SEMA6D: variants seen among roughly 807,000 people sequenced by gnomAD.
SEMA6D encodes the protein semaphorin-6D.
A neutral mutation model predicts 106.6 loss-of-function variants in SEMA6D; 35 were observed. That is an observed-to-expected ratio of 0.33 (90% CI 0.25 to 0.44). The LOEUF (loss-of-function observed/expected upper bound fraction) is 0.44. SEMA6D is among the 20% of genes least tolerant of loss of function. The pLI is 1.00. For missense variants in SEMA6D, 1,185 were observed against 1,345.9 expected (o/e 0.88, Z 1.87); for synonymous variants, 499 against 487.7 (o/e 1.02, Z -0.31).
intron 3 of SEMA6D, among the ~76,000 whole-genome samples, chr15:47,590,489 C>G (rs1462267443): frequency 6.6e-6 from 1 of 151,860 alleles, no homozygotes; most frequent in Non-Finnish European, 1.5e-5. Context: ...TGTGTCAAAC[C>G]TGCACTTTGT....
intron 4 of SEMA6D, among the ~76,000 whole-genome samples, chr15:47,684,647 G>A (rs1021445857): frequency 5.9e-5 from 9 of 152,218 alleles, no homozygotes; most frequent in South Asian, 2.1e-4. Flanking sequence ...AATGAACATA[G>A]GTTACTCTAA....
chr15:47,629,771 G>T (rs975396745), intron 4 of SEMA6D, among the ~76,000 whole-genome samples: 3 of 151,698 alleles, frequency 2.0e-5, no homozygotes, highest in Non-Finnish European at 4.4e-5. Flanking sequence ...CAAGTTTTTG[G>T]CTCCCATTTA....
chr15:47,745,284 T>A (rs1012561639), intron 1 of SEMA6D, among the ~76,000 whole-genome samples: 3 of 152,222 alleles, frequency 2.0e-5, no homozygotes, highest in Admixed American at 2.0e-4. Context: ...ACTCCTTCCG[T>A]CCTCAGCAAC....
intron 2 of SEMA6D, among the ~76,000 whole-genome samples, chr15:47,452,531 T>G (rs1338760060): frequency 6.6e-6 from 1 of 151,998 alleles, no homozygotes; most frequent in Non-Finnish European, 1.5e-5. Context: ...TTTTGTAGTG[T>G]GTACATAGCA....
intron 2 of SEMA6D, among the ~76,000 whole-genome samples, chr15:47,430,443 G>A (rs1402449473): frequency 6.6e-6 from 1 of 151,810 alleles, no homozygotes; most frequent in Non-Finnish European, 1.5e-5. Context: ...CTGGGGGCAG[G>A]TCTGGGAAAA....
chr15:47,679,694 A>G (rs1322954828), intron 4 of SEMA6D, among the ~76,000 whole-genome samples: 2 of 152,208 alleles, frequency 1.3e-5, no homozygotes, highest in African/African-American at 2.4e-5. Context: ...ATTGAAATAA[A>G]TTTCTCCATG....
At chr15:47,345,918 A>G (rs373085807) in intron 1 of SEMA6D, among the ~76,000 whole-genome samples, 21 of 152,296 alleles carry the variant, frequency 1.4e-4, no homozygotes, top group African/African-American at 5.1e-4. Context: ...TCATAGGTGT[A>G]TACACATATG....
chr15:47,291,179 G>A (rs527412302), intron 1 of SEMA6D, among the ~76,000 whole-genome samples: 1 of 152,342 alleles, frequency 6.6e-6, no homozygotes, highest in Admixed American at 6.5e-5. Flanking sequence ...ACTGTTGGAA[G>A]GGCTATGAAA....
chr15:47,771,225 G>C lies in SEMA6D; in HGVS notation c.2662G>C (p.Asp888His). Residue 888 changes from aspartate to histidine, a missense_variant, in exon 19 of 19, where the codon GAC (aspartate) becomes CAC (histidine). Asp to His is a moderately conservative substitution (Grantham distance 81, BLOSUM62 -1). Coordinates refer to ENST00000536845, the MANE Select transcript of SEMA6D (RefSeq NM_001358351.3). ...TLNDLLKHLN[D>H]PNSNPKAIMG... The stretch of plus-strand genomic sequence containing the variant: ...CAATGATCTCCTGAAGCATCTGAAT[G>C]ACCCAAATAGTAACCCCAAAGCCAT... 1 of 1,614,054 alleles carries C rather than the reference G, an allele frequency of 6.2e-7. No individual in the cohort carries two copies. The highest frequency in any genetic ancestry group is 8.5e-7 in the Non-Finnish European group (1 of 1,179,980).
At chr15:47,519,018 A>T (rs886899257) in intron 3 of SEMA6D, among the ~76,000 whole-genome samples, 1 of 152,136 alleles carries the variant, frequency 6.6e-6, no homozygotes, top group Non-Finnish European at 1.5e-5. Context: ...TGAGGACAGG[A>T]ATTTGAAACC....
At chr15:47,519,939 G>A (rs1361343062) in intron 3 of SEMA6D, among the ~76,000 whole-genome samples, 2 of 152,172 alleles carry the variant, frequency 1.3e-5, no homozygotes, top group East Asian at 3.9e-4. Context: ...CTTGGTGCTA[G>A]GATAGACCCT....
intron 1 of SEMA6D, among the ~76,000 whole-genome samples, chr15:47,300,478 T>C (rs1037795125): frequency 6.6e-6 from 1 of 151,914 alleles, no homozygotes; most frequent in Non-Finnish European, 1.5e-5. Flanking sequence ...GTAGAAAAAA[T>C]AAAAACGTGA....
intron 2 of SEMA6D, among the ~76,000 whole-genome samples, chr15:47,414,222 A>G (rs2040890111): frequency 6.6e-6 from 1 of 152,174 alleles, no homozygotes; most frequent in African/African-American, 2.4e-5. Flanking sequence ...TCCCCTTGAA[A>G]ATTAAATAAC....
chr15:47,421,234 G>A (rs2041143506), intron 2 of SEMA6D, among the ~76,000 whole-genome samples: 1 of 151,972 alleles, frequency 6.6e-6, no homozygotes, highest in Non-Finnish European at 1.5e-5. Context: ...TCAATCTCAG[G>A]TTCTCACCAC....
intron 1 of SEMA6D, among the ~76,000 whole-genome samples, chr15:47,365,241 T>C (rs1277997177): frequency 1.3e-5 from 2 of 152,200 alleles, no homozygotes; most frequent in Non-Finnish European, 2.9e-5. Context: ...ATTTTATTTA[T>C]GCTTTGCACA....
chr15:47,454,765 C>T (rs1475446557), intron 2 of SEMA6D, among the ~76,000 whole-genome samples: 1 of 151,936 alleles, frequency 6.6e-6, no homozygotes, highest in Admixed American at 6.6e-5. Context: ...TACAGAGTTA[C>T]CCCTTTTAAA....
intron 3 of SEMA6D, among the ~76,000 whole-genome samples, chr15:47,471,124 C>G (rs2042822950): frequency 6.6e-6 from 1 of 152,102 alleles, no homozygotes; most frequent in African/African-American, 2.4e-5. Context: ...GGCTGCTGTT[C>G]CTCATGAATG....
chr15:47,417,413 A>G (rs390338), intron 2 of SEMA6D, among the ~76,000 whole-genome samples: 23 of 146,660 alleles, frequency 1.6e-4, no homozygotes, highest in African/African-American at 3.8e-4. Flanking sequence ...GTGTGTGTAT[A>G]TGTGTGTGTG....
chr15:47,588,004 A>G (rs1197775455), intron 3 of SEMA6D, among the ~76,000 whole-genome samples: 1 of 152,172 alleles, frequency 6.6e-6, no homozygotes, highest in Non-Finnish European at 1.5e-5. Context: ...AGCTACTTCT[A>G]CAGGAAAACA....
Sources: gnomAD v4.1 joint callset for allele counts (sites outside exome capture counted in the v4.1 genomes callset) on GRCh38, gnomAD v4.1.1 for gene constraint, MANE v1.5 for transcripts, NCBI Gene and HGNC (gene_info 2026-07-23, HGNC 2026-07-21) for gene names.